NFIB: variants seen among roughly 807,000 people sequenced by gnomAD.
NFIB encodes the protein nuclear factor I B.
A neutral mutation model predicts 61.5 loss-of-function variants in NFIB; 11 were observed. The ratio of observed to expected loss-of-function variants is 0.18; its 90% confidence interval spans 0.11 to 0.30. The LOEUF is 0.30. Among genes scored for constraint, NFIB ranks in the 10% least tolerant of loss-of-function variants. The pLI is 1.00. For missense variants in NFIB, 471 were observed against 608.9 expected (o/e 0.77, Z 2.38); for synonymous variants, 260 against 216.5 (o/e 1.20, Z -1.76).
the NFIB span, among the ~76,000 whole-genome samples, chr9:14,461,997 A>G: frequency 6.6e-6 from 1 of 152,194 alleles, no homozygotes; most frequent in South Asian, 2.1e-4. Context: ...ATTTCCCCTG[A>G]AGACACCAAA....
chr9:14,262,125 C>T (rs2056816771), intron 2 of NFIB, among the ~76,000 whole-genome samples: 1 of 152,178 alleles, frequency 6.6e-6, no homozygotes, highest in South Asian at 2.1e-4. Flanking sequence ...CCGGCCCTCA[C>T]CATGACTCCT....
In NFIB at chr9:14,337,820, C is replaced by T. The variant is rs139667411; in HGVS notation, c.109-30300G>A. Among the ~76,000 whole-genome samples the T allele has an allele frequency of 9.4e-3, 1,433 of 152,312 alleles. 12 individuals carry two copies. The highest frequency in any genetic ancestry group is 0.015 in the Non-Finnish European group (1,020 of 68,028). ...CTTTTCAGTTTACTTTTGTTTCAGA[C>T]ACTGATGCTGTCTGCCAAATTCCCT... On this transcript the variant is annotated intron_variant, in intron 1 of 8. Coordinates refer to the NFIB transcript ENST00000380934.
chr9:14,293,848 C>G (rs2059255464), intron 2 of NFIB, among the ~76,000 whole-genome samples: 1 of 152,132 alleles, frequency 6.6e-6, no homozygotes, highest in Non-Finnish European at 1.5e-5. Flanking sequence ...AAAAGTAAGT[C>G]TGACAGCCCA....
intron 2 of NFIB, among the ~76,000 whole-genome samples, chr9:14,269,337 G>C (rs1308943491): frequency 1.3e-5 from 2 of 151,930 alleles, no homozygotes; most frequent in Admixed American, 6.6e-5. Flanking sequence ...CATTACAGAA[G>C]ACCTAAAACC....
chr9:14,392,451 G>C lies in NFIB; in HGVS notation c.108+6073C>G, dbSNP rs56397956. ...TCTAACATAAAAAGATTATAGACTG[G>C]GCACAGTGGCTCAGGCCTATAATCC... On this transcript the variant is annotated intron_variant, in intron 1 of 8. Coordinates refer to the NFIB transcript ENST00000380934. Among the ~76,000 whole-genome samples, 684 of 152,298 alleles carry C rather than the reference G, an allele frequency of 4.5e-3. 5 individuals carry two copies. Among genetic ancestry groups the C allele is most frequent in the African/African-American group, 0.015 (641 of 41,568 alleles).
chr9:14,298,352 C>A (rs188622743), intron 2 of NFIB, among the ~76,000 whole-genome samples: 1 of 152,074 alleles, frequency 6.6e-6, no homozygotes, highest in Admixed American at 6.6e-5. Flanking sequence ...ATATTTTTAT[C>A]GTAGCAGCTG....
chr9:14,349,176 T>A (rs2061073976), intron 1 of NFIB, among the ~76,000 whole-genome samples: 1 of 152,146 alleles, frequency 6.6e-6, no homozygotes, highest in South Asian at 2.1e-4. Flanking sequence ...CGAGGACAAT[T>A]TGAGCAGTCT....
intron 1 of NFIB, among the ~76,000 whole-genome samples, chr9:14,359,020 A>G (rs1213490197): frequency 6.6e-6 from 1 of 152,196 alleles, no homozygotes; most frequent in Non-Finnish European, 1.5e-5. Context: ...GCGTGCTGCT[A>G]TACATCTCTT....
the NFIB span, among the ~76,000 whole-genome samples, chr9:14,507,071 TAA>T: frequency 1.3e-5 from 2 of 152,222 alleles, no homozygotes; most frequent in Non-Finnish European, 1.5e-5. Flanking sequence ...TAAAATCATT[TAA>T]AAAAGTTTTT....
chr9:14,132,545 A>G (rs1320908983), intron 6 of NFIB, among the ~76,000 whole-genome samples: 1 of 151,840 alleles, frequency 6.6e-6, no homozygotes, highest in Non-Finnish European at 1.5e-5. Context: ...ATCTTTTATT[A>G]TTGTGTAAAT....
chr9:14,191,367 T>A (rs969501785), intron 2 of NFIB, among the ~76,000 whole-genome samples: 1 of 151,934 alleles, frequency 6.6e-6, no homozygotes, highest in Non-Finnish European at 1.5e-5. Flanking sequence ...CAGATAATTC[T>A]AACCAAGAAT....
chr9:14,259,535 T>C (rs936450093), intron 2 of NFIB, among the ~76,000 whole-genome samples: 1 of 152,134 alleles, frequency 6.6e-6, no homozygotes, highest in South Asian at 2.1e-4. Flanking sequence ...CATGGGCCCA[T>C]GGGGCTTAGA....
chr9:14,295,470 CA>C (rs373905065), intron 2 of NFIB, among the ~76,000 whole-genome samples: 2,239 of 147,714 alleles, frequency 0.015, 25 homozygotes, highest in Non-Finnish European at 0.024. Flanking sequence ...ACTAAACATA[CA>C]AAAAAAAAAC....
At chr9:14,475,829 TAC>T in the NFIB span, among the ~76,000 whole-genome samples, 1 of 152,186 alleles carries the variant, frequency 6.6e-6, no homozygotes, top group Non-Finnish European at 1.5e-5. Context: ...CCATCCCCTT[TAC>T]CATCTCCATG....
At chr9:14,518,224 C>T in the NFIB span, among the ~76,000 whole-genome samples, 5 of 152,132 alleles carry the variant, frequency 3.3e-5, no homozygotes, top group Non-Finnish European at 5.9e-5. Flanking sequence ...TAGAGGCTAG[C>T]GACTTCTCAA....
intron 4 of NFIB, among the ~76,000 whole-genome samples, chr9:14,152,947 T>C (rs1458535316): frequency 6.6e-6 from 1 of 151,920 alleles, no homozygotes; most frequent in African/African-American, 2.4e-5. Flanking sequence ...AAGAATAATT[T>C]CCAGTATTTG....
At chr9:14,117,988 T>G (rs1323644240) in intron 8 of NFIB, among the ~76,000 whole-genome samples, 1 of 152,072 alleles carries the variant, frequency 6.6e-6, no homozygotes, top group Non-Finnish European at 1.5e-5. Flanking sequence ...AATACTGATG[T>G]TTTTCCATTT....
the NFIB span, among the ~76,000 whole-genome samples, chr9:14,490,785 A>G: frequency 6.6e-6 from 1 of 152,220 alleles, no homozygotes; most frequent in African/African-American, 2.4e-5. Flanking sequence ...CGCACTGGCA[A>G]AAAATATAGG....
intron 2 of NFIB, among the ~76,000 whole-genome samples, chr9:14,305,179 A>AG (rs1489751933): frequency 6.6e-6 from 1 of 152,098 alleles, no homozygotes; most frequent in Non-Finnish European, 1.5e-5. Context: ...CTTTATTGTC[A>AG]GTTCATCAAA....
Sources: gnomAD v4.1 joint callset for allele counts (sites outside exome capture counted in the v4.1 genomes callset) on GRCh38, gnomAD v4.1.1 for gene constraint, MANE v1.5 for transcripts, NCBI Gene and HGNC (gene_info 2026-07-23, HGNC 2026-07-21) for gene names.